COL17A1: variants seen among roughly 807,000 people sequenced by gnomAD.
COL17A1 encodes the protein collagen type XVII alpha 1 chain.
COL17A1 carries 181 observed loss-of-function variants against 218.4 expected under a neutral mutation model. The observed-to-expected ratio is 0.83, with a 90% CI of 0.73 to 0.94. The LOEUF is 0.94. Ranked by LOEUF, COL17A1 falls within the 40% of genes least tolerant of loss-of-function variation. The pLI, the probability that COL17A1 is intolerant of heterozygous loss-of-function variation, is 0.00. For missense variants in COL17A1, 1,924 were observed against 1,945.9 expected (o/e 0.99, Z 0.21); for synonymous variants, 721 against 731.0 (o/e 0.99, Z 0.22).
At chr10:104,064,752 C>T (rs1421704236) in intron 9 of COL17A1, among the ~76,000 whole-genome samples, 156 bp from the exon 10 acceptor site, 1 of 152,174 alleles carries the variant, frequency 6.6e-6, no homozygotes, top group Non-Finnish European at 1.5e-5. Context: ...GGGTAGTTTC[C>T]ATCTGAAATC....
At chr10:104,074,142 C>T in intron 6 of COL17A1, 42 bp downstream of exon 6, 3 of 1,613,906 alleles carry the variant, frequency 1.9e-6, no homozygotes, top group Non-Finnish European at 2.5e-6. Context: ...TTTCCTAGTG[C>T]CTCGTTTGAC....
At chr10:104,050,525 T>A (rs2086458268) in intron 27 of COL17A1, 96 bp downstream of exon 27, 1 of 1,600,046 alleles carries the variant, frequency 6.2e-7, no homozygotes, top group African/African-American at 1.3e-5. Context: ...TTGGTCCAGG[T>A]CCTGTGCACC....
chr10:104,052,096 A>C (rs951106317), intron 24 of COL17A1, 59 bp downstream of exon 24: 2 of 1,611,602 alleles, frequency 1.2e-6, no homozygotes, highest in African/African-American at 1.3e-5. Context: ...TCTGTGATCC[A>C]TCCTGAATGT....
chr10:104,061,350 GAGTAATCCTC>G, intron 13 of COL17A1, 45 bp downstream of exon 13: 1 of 1,480,362 alleles, frequency 6.8e-7, no homozygotes, highest in Non-Finnish European at 9.4e-7. Context: ...GATTACTGCA[GAGTAATCCTC>G]CCTGTGCACC....
Position 104,053,130 on chromosome 10 carries a change from G to C in COL17A1, c.1840C>G (p.Pro614Ala). 6.2e-7 allele frequency: 1 copy of C among 1,612,964 alleles called. No homozygotes were observed. The highest frequency in any genetic ancestry group is 1.7e-5 in the Admixed American group (1 of 60,032). ...TGGCCCATGGGGCCTTCCATGCCAG[G>C]ATCTCCTAAAGACAGGGATGGCCAG... ...PKGQKGSVGDPGMEGPMGQRG... is the reference protein window; with the variant it reads ...PKGQKGSVGDAGMEGPMGQRG... Residue 614 changes from proline (P) to alanine (A), a missense_variant, in exon 23 of 56, where the codon CCT (proline) becomes GCT (alanine). Coordinates refer to ENST00000648076, the MANE Select transcript of COL17A1 (RefSeq NM_000494.4).
chr10:104,075,352 C>T (rs2134654437), intron 5 of COL17A1, among the ~76,000 whole-genome samples: 1 of 152,184 alleles, frequency 6.6e-6, no homozygotes, highest in Non-Finnish European at 1.5e-5. Flanking sequence ...TGGAGTCATC[C>T]ATCTAATTCC....
rs1431020495 is a variant in COL17A1, at chr10:104,059,700, G to A, written c.1160C>T (p.Thr387Ile). The A allele has an allele frequency of 6.2e-7, 1 of 1,614,140 alleles. No homozygotes were observed. The highest frequency in any genetic ancestry group is 1.7e-5 in the Admixed American group (1 of 60,022). The change falls in exon 15 of 56, where the codon ACC becomes ATC. Residue 387 changes from threonine (T) to isoleucine (I), a missense_variant. Coordinates refer to ENST00000648076, the MANE Select transcript of COL17A1 (RefSeq NM_000494.4). ...SIAATSFSED[T>I]LKKEKQAAYN... is the part of the protein sequence containing the mutation. ...GGCAGCTTGCTTTTCTTTTTTTAGG[G>A]TGTCTTCTGAAAAAGAAGCTATGTA...
intron 34 of COL17A1, 35 bp downstream of exon 34, chr10:104,043,790 A>C (rs769572620): frequency 6.2e-7 from 1 of 1,612,984 alleles, no homozygotes; most frequent in South Asian, 1.1e-5. Flanking sequence ...TATAAGAAAG[A>C]CACAGAAAGG....
chr10:104,080,410 A>G (rs982917816), intron 2 of COL17A1, among the ~76,000 whole-genome samples: 1 of 152,238 alleles, frequency 6.6e-6, no homozygotes, highest in Non-Finnish European at 1.5e-5. Flanking sequence ...CATGGAAATG[A>G]CAACCTTCAT....
intron 9 of COL17A1, among the ~76,000 whole-genome samples, chr10:104,068,629 GC>G (rs1201781682): frequency 6.6e-6 from 1 of 152,206 alleles, no homozygotes; most frequent in African/African-American, 2.4e-5. Flanking sequence ...ACAGAGCGGG[GC>G]CTAATAAATA....
At position 104,074,035 on chromosome 10, in the gene COL17A1, C is replaced by T. The variant is rs1462513241; in HGVS notation, c.379+149G>A. 8.0e-6 allele frequency: 10 copies of T among 1,248,342 alleles called. No individual in the cohort carries two copies. In the South Asian group the frequency reaches 1.1e-4, roughly 14 times the overall value. 77.3% of individuals were successfully genotyped at this position (1,248,342 alleles called of 1,614,324 possible). A position where few individuals can be genotyped will look rare whatever the true frequency, so the allele number is the denominator to read the frequency against. On this transcript the variant is annotated intron_variant, in intron 6 of 55. Transcript: ENST00000648076. Reference sequence around the variant, plus strand: ...CCTTAATATGCTTCAGGATAAAAAGCAAGGGAAAAATAGGTCAGCAGGGGT... The same window carrying T: ...CCTTAATATGCTTCAGGATAAAAAGTAAGGGAAAAATAGGTCAGCAGGGGT...
At position 104,038,085 on chromosome 10, in the gene COL17A1, G is replaced by A. The variant is rs1000045995; in HGVS notation, c.3071-312C>T. ...GAAAGCATGTGCGTGTAGGGGATGA[G>A]CACGTGCGCCAGCCTCCTCCCCAGG... On this transcript the variant is annotated intron_variant, in intron 45 of 55. Coordinates refer to ENST00000648076, the MANE Select transcript of COL17A1 (RefSeq NM_000494.4). Among the ~76,000 whole-genome samples the A allele has an allele frequency of 5.3e-5, 8 of 152,364 alleles. No individual in the cohort carries two copies. The South Asian group carries it at 1.4e-3, about 28-fold the overall frequency.
At chr10:104,039,420 A>T in intron 43 of COL17A1, 25 bp downstream of exon 43, 3 of 1,611,488 alleles carry the variant, frequency 1.9e-6, no homozygotes, top group Non-Finnish European at 2.5e-6. Context: ...ACTCCTCACC[A>T]CCTTCTCACT....
In COL17A1 at chr10:104,036,000, ATATG is replaced by A. The variant is rs2086284245; in HGVS notation, c.3419-441_3419-438del. ...TTTATGGGAATGCGTGTGTGTATGC[ATATG>A]TGAGTGTGTATGGGTGTGTCTGAGT... is the stretch of plus-strand genomic sequence containing the variant. On this transcript the variant is annotated intron_variant, in intron 48 of 55. Transcript: ENST00000648076. 3.2e-5 allele frequency among the ~76,000 whole-genome samples: 4 copies of A among 123,134 alleles called. No homozygotes were observed. In the South Asian group the frequency reaches 1.1e-3, roughly 35 times the overall value. The allele number at this position is 123,134 out of a possible 152,430, so 80.8% of individuals were successfully genotyped here.
intron 44 of COL17A1, among the ~76,000 whole-genome samples, 194 bp from the exon 45 acceptor site, chr10:104,038,722 G>A (rs1177036117): frequency 6.6e-6 from 1 of 152,060 alleles, no homozygotes; most frequent in Non-Finnish European, 1.5e-5. Context: ...GTGGCACAGA[G>A]CTAGGAAGCT....
At chr10:104,037,547 C>T in intron 46 of COL17A1, 89 bp downstream of exon 46, 1 of 1,522,924 alleles carries the variant, frequency 6.6e-7, no homozygotes, top group Non-Finnish European at 9.1e-7. Flanking sequence ...AAGGGCAAAG[C>T]AAACAGCAAA....
At chr10:104,053,718 T>C (rs533676663) in intron 22 of COL17A1, among the ~76,000 whole-genome samples, 57 of 152,290 alleles carry the variant, frequency 3.7e-4, no homozygotes, top group African/African-American at 1.2e-3. Flanking sequence ...TAAACTGCTA[T>C]AGACTTCACT....
rs572387418 is a variant in COL17A1, at chr10:104,048,369, G to A, written c.2228-265C>T. 4.6e-5 allele frequency among the ~76,000 whole-genome samples: 7 copies of A among 152,230 alleles called. No homozygotes were observed. In the South Asian group the frequency reaches 8.3e-4, roughly 18 times the overall value. On this transcript the variant is annotated intron_variant, in intron 29 of 55. Transcript: ENST00000648076. The stretch of plus-strand genomic sequence containing the variant: ...AGCGCCTCGATGCTCAATGCTTGTC[G>A]CGTTTACTTGAGGGCCTAGAAGTCA...
chr10:104,039,177 A>G (rs1294460577), intron 43 of COL17A1, 56 bp from the exon 44 acceptor site: 1 of 1,549,172 alleles, frequency 6.5e-7, no homozygotes, highest in African/African-American at 1.4e-5. Context: ...TTCCCTGGTT[A>G]AGCCAAACCA....
Sources: gnomAD v4.1 joint callset for allele counts (sites outside exome capture counted in the v4.1 genomes callset) on GRCh38, gnomAD v4.1.1 for gene constraint, MANE v1.5 for transcripts, NCBI Gene and HGNC (gene_info 2026-07-23, HGNC 2026-07-21) for gene names.